The following SGCD variants were observed in gnomAD, a reference collection of about 807,000 sequenced individuals.
SGCD encodes delta-sarcoglycan.
In SGCD, 18 loss-of-function variants were observed where a neutral mutation model predicts 36.6. That is an observed-to-expected ratio of 0.49 (90% CI 0.34 to 0.73). The LOEUF (loss-of-function observed/expected upper bound fraction) is 0.73, where lower values mean the gene tolerates loss of function less well. Among genes scored for constraint, SGCD ranks in the 30% least tolerant of loss-of-function variants. The probability of loss-of-function intolerance (pLI) is 0.01; values close to 1 mark genes in which losing one functional copy is unlikely to be tolerated. For missense variants in SGCD, 387 were observed against 346.7 expected (o/e 1.12, Z -0.92); for synonymous variants, 133 against 130.6 (o/e 1.02, Z -0.12).
At chr5:156,604,149 C>T (rs529555529) in intron 6 of SGCD, among the ~76,000 whole-genome samples, 14 of 151,694 alleles carry the variant, frequency 9.2e-5, no homozygotes, top group Non-Finnish European at 1.8e-4. Flanking sequence ...ATACAATGAC[C>T]TTCTCCTTTC....
intron 3 of SGCD, among the ~76,000 whole-genome samples, chr5:156,392,773 G>A (rs1300428455): frequency 6.6e-6 from 1 of 152,164 alleles, no homozygotes; most frequent in Admixed American, 6.5e-5. Flanking sequence ...CCCCTTGGTG[G>A]CCTGTGCTCT....
At chr5:156,475,905 C>T (rs533354658) in intron 3 of SGCD, among the ~76,000 whole-genome samples, 42 of 152,276 alleles carry the variant, frequency 2.8e-4, no homozygotes, top group Non-Finnish European at 5.4e-4. Context: ...ATGTGGAGGA[C>T]AGGCAGCACA....
chr5:156,366,871 A>G (rs1343094099), intron 3 of SGCD, among the ~76,000 whole-genome samples: 1 of 152,240 alleles, frequency 6.6e-6, no homozygotes, highest in African/African-American at 2.4e-5. Flanking sequence ...TAAAGCAGAA[A>G]ACAATAAAAT....
intron 1 of SGCD, among the ~76,000 whole-genome samples, chr5:155,927,863 G>A (rs776141984): frequency 5.3e-5 from 8 of 152,140 alleles, no homozygotes; most frequent in Admixed American, 3.9e-4. Context: ...AATGTCAGAG[G>A]CTGCTCCTTC....
intron 1 of SGCD, among the ~76,000 whole-genome samples, chr5:155,944,604 A>T (rs6894182): frequency 0.13 from 20,339 of 152,150 alleles, 1,872 homozygotes; most frequent in African/African-American, 0.26. Flanking sequence ...CAGTCATAAT[A>T]GTTTTATTTG....
At chr5:156,515,545 C>A (rs548121018) in intron 4 of SGCD, among the ~76,000 whole-genome samples, 74 of 152,294 alleles carry the variant, frequency 4.9e-4, no homozygotes, top group African/African-American at 1.7e-3. Flanking sequence ...CTGGGAGCAG[C>A]ACAGGCAATG....
chr5:156,329,607 TTCAAGGCCCTGCTCATGG>T, intron 2 of SGCD, 28 bp downstream of exon 2: 1 of 1,607,616 alleles, frequency 6.2e-7, no homozygotes, highest in Non-Finnish European at 8.5e-7. Flanking sequence ...GCGAAGCTTG[TTCAAGGCCCTGCTCATGG>T]TCATTTTATT....
At chr5:156,664,870 G>C (rs1292853977) in intron 7 of SGCD, among the ~76,000 whole-genome samples, 3 of 141,482 alleles carry the variant, frequency 2.1e-5, no homozygotes, top group Non-Finnish European at 4.6e-5. Flanking sequence ...GGCCTCAACT[G>C]TGGGAGGCTC....
At chr5:156,559,098 C>A (rs1185366449) in intron 4 of SGCD, among the ~76,000 whole-genome samples, 1 of 152,128 alleles carries the variant, frequency 6.6e-6, no homozygotes, top group Non-Finnish European at 1.5e-5. Context: ...ATACAGATCC[C>A]TTTCTTTCTA....
chr5:156,152,640 T>A (rs1014234165), intron 3 of SGCD, among the ~76,000 whole-genome samples: 14 of 151,750 alleles, frequency 9.2e-5, no homozygotes, highest in African/African-American at 3.4e-4. Context: ...GTTGACTACC[T>A]GTTGAAATGG....
intron 1 of SGCD, among the ~76,000 whole-genome samples, chr5:155,974,810 G>A (rs572698647): frequency 7.2e-5 from 11 of 151,938 alleles, no homozygotes; most frequent in South Asian, 4.2e-4. Context: ...GGATATCCCC[G>A]TGGAGAATGG....
At position 156,493,989 on chromosome 5, in the gene SGCD, C is replaced by A. The variant is rs1581073479; in HGVS notation, c.193-14612C>A. Among the ~76,000 whole-genome samples the A allele has an allele frequency of 3.3e-5, 5 of 152,220 alleles. No homozygotes were observed. The South Asian group carries it at 1.0e-3, about 32-fold the overall frequency. On this transcript the variant is annotated intron_variant, in intron 3 of 8. Coordinates refer to ENST00000337851, the MANE Select transcript of SGCD (RefSeq NM_000337.6). ...CTCTTTTCTTTTCCTCTTAGACAAG[C>A]CTCTCAGAGCATATCAAATCAAGTA...
intron 3 of SGCD, among the ~76,000 whole-genome samples, chr5:156,165,842 A>G (rs1337208681): frequency 2.0e-5 from 3 of 152,254 alleles, no homozygotes; most frequent in African/African-American, 2.4e-5. Context: ...TTAGTGATAT[A>G]TATTCTTCAG....
intron 3 of SGCD, among the ~76,000 whole-genome samples, chr5:156,145,894 T>G (rs141828492): frequency 2.6e-5 from 4 of 152,250 alleles, no homozygotes; most frequent in Non-Finnish European, 4.4e-5. Flanking sequence ...GTGCCATAAC[T>G]TTGAGCAACA....
intron 1 of SGCD, among the ~76,000 whole-genome samples, chr5:156,010,201 G>T (rs1050115136): frequency 6.6e-6 from 1 of 151,908 alleles, no homozygotes; most frequent in Non-Finnish European, 1.5e-5. Context: ...CATAACTTTC[G>T]GCCTATTATA....
the SGCD span, among the ~76,000 whole-genome samples, chr5:155,779,429 C>T: frequency 6.6e-5 from 10 of 151,626 alleles, no homozygotes; most frequent in Admixed American, 2.0e-4. Flanking sequence ...TGGAGCGATA[C>T]GCTGTCCAAA....
At chr5:155,916,261 G>A (rs900186875) in intron 1 of SGCD, among the ~76,000 whole-genome samples, 9 of 151,920 alleles carry the variant, frequency 5.9e-5, no homozygotes, top group Non-Finnish European at 1.3e-4. Flanking sequence ...ATTATTTGTA[G>A]CAAAACATAA....
intron 3 of SGCD, among the ~76,000 whole-genome samples, chr5:156,405,713 G>C (rs983073083): frequency 1.3e-5 from 2 of 152,156 alleles, no homozygotes; most frequent in Admixed American, 1.3e-4. Context: ...TTCTGTGCCT[G>C]AGTAGTAACT....
intron 4 of SGCD, among the ~76,000 whole-genome samples, chr5:156,519,353 A>C (rs1393706408): frequency 4.6e-5 from 7 of 152,034 alleles, no homozygotes; most frequent in South Asian, 2.1e-4. Flanking sequence ...TACCAACAAA[A>C]AAACAAACAA....
Sources: gnomAD v4.1 joint callset for allele counts (sites outside exome capture counted in the v4.1 genomes callset) on GRCh38, gnomAD v4.1.1 for gene constraint, MANE v1.5 for transcripts, NCBI Gene and HGNC (gene_info 2026-07-23, HGNC 2026-07-21) for gene names.